Variants in ANO7 observed in about 807,000 individuals in gnomAD.
ANO7 encodes anoctamin 7, also known as anoctamin-7.
A neutral mutation model predicts 115.8 loss-of-function variants in ANO7; 114 were observed. The observed-to-expected ratio is 0.98, with a 90% CI of 0.85 to 1.15. The LOEUF (loss-of-function observed/expected upper bound fraction) is 1.15, where lower values mean the gene tolerates loss of function less well. Ranked by LOEUF, ANO7 falls within the 50% of genes most tolerant of loss-of-function variation. The probability of loss-of-function intolerance (pLI) is 0.00; values close to 1 mark genes in which losing one functional copy is unlikely to be tolerated. For missense variants in ANO7, 1,302 were observed against 1,201.2 expected, an observed-to-expected ratio of 1.08 and a Z score of -1.24; for synonymous variants, 550 against 498.2, an observed-to-expected ratio of 1.10 and a Z score of -1.38.
chr2:241,211,426 G>C (rs1482489551), intron 15 of ANO7, among the ~76,000 whole-genome samples: 1 of 152,210 alleles, frequency 6.6e-6, no homozygotes, highest in African/African-American at 2.4e-5. Context: ...TCTAGCCCTG[G>C]GGGTGAATAG....
chr2:241,205,351 G>A (rs538726538), intron 10 of ANO7, among the ~76,000 whole-genome samples: 1 of 151,044 alleles, frequency 6.6e-6, no homozygotes, highest in South Asian at 2.1e-4. Flanking sequence ...CAGGTGGTCA[G>A]GAGTGCTCCC....
chr2:241,190,708 C>G (rs532774292), intron 2 of ANO7, among the ~76,000 whole-genome samples: 21 of 152,214 alleles, frequency 1.4e-4, no homozygotes, highest in Non-Finnish European at 2.5e-4. Flanking sequence ...CCTGCCGCCC[C>G]AAGCACAGCT....
At chr2:241,218,443 G>A (rs1399121557) in intron 21 of ANO7, 62 bp downstream of exon 21, 16 of 1,243,874 alleles carry the variant, frequency 1.3e-5, no homozygotes, top group Non-Finnish European at 1.6e-5. Flanking sequence ...AGCGGGGCTC[G>A]GGTGGGGTGG....
the ANO7 span, chr2:241,236,256 A>C: frequency 3.3e-6 from 1 of 299,894 alleles, no homozygotes; most frequent in Non-Finnish European, 6.3e-6. Flanking sequence ...AAGGTGAGCT[A>C]GGCCTGATAA....
intron 4 of ANO7, among the ~76,000 whole-genome samples, chr2:241,197,478 C>T (rs1044849261): frequency 2.0e-5 from 3 of 152,084 alleles, no homozygotes; most frequent in Non-Finnish European, 4.4e-5. Flanking sequence ...CTCAATCTCC[C>T]GAGGCTCAAG....
intron 1 of ANO7, among the ~76,000 whole-genome samples, chr2:241,189,350 G>A (rs1041555193): frequency 1.3e-5 from 2 of 152,124 alleles, no homozygotes; most frequent in Non-Finnish European, 2.9e-5. Context: ...GCGCCTCCAT[G>A]GTCACACCCT....
downstream of ANO7, among the ~76,000 whole-genome samples, chr2:241,226,139 C>T (rs935858319): frequency 6.6e-6 from 1 of 151,910 alleles, no homozygotes; most frequent in Non-Finnish European, 1.5e-5. Flanking sequence ...GACCCTCTCC[C>T]ATCCAGGGCC....
At chr2:241,199,977 C>T (rs1164916119) in intron 5 of ANO7, 112 bp from the exon 6 acceptor site, 1 of 1,297,410 alleles carries the variant, frequency 7.7e-7, no homozygotes, top group Non-Finnish European at 1.1e-6. Context: ...CTTCCCTCTG[C>T]TGGAGCCCCT....
Position 241,191,177 on chromosome 2 carries a change from T to A in ANO7, c.109-17T>A, listed in dbSNP as rs776169979. Reference sequence around the variant, plus strand: ...ATGCTGATGCTGATATGCTTCTCCATCCTCCATGCCTTCCAGCCAGGTGGA... The same window carrying A: ...ATGCTGATGCTGATATGCTTCTCCAACCTCCATGCCTTCCAGCCAGGTGGA... On this transcript the variant is annotated splice_polypyrimidine_tract_variant and intron_variant, in intron 2 of 24. Transcript: ENST00000674324. 4 of 1,613,684 alleles carry A rather than the reference T, an allele frequency of 2.5e-6. No individual in the cohort carries two copies. The Admixed American group carries it at 6.7e-5, about 27-fold the overall frequency.
intron 21 of ANO7, among the ~76,000 whole-genome samples, chr2:241,221,017 C>G (rs182852136): frequency 6.6e-6 from 1 of 151,558 alleles, no homozygotes; most frequent in Admixed American, 6.6e-5. Flanking sequence ...TTTACAGATG[C>G]CTGCTGGTGA....
At chr2:241,229,720 G>A (rs745786631), downstream of ANO7, 2 of 1,611,870 alleles carry the variant, frequency 1.2e-6, no homozygotes, top group South Asian at 1.1e-5. Context: ...TTCAGGAGGG[G>A]ATGCTCCCCA....
At chr2:241,210,679 C>G (rs1226850329) in intron 15 of ANO7, 109 bp downstream of exon 15, 8 of 924,716 alleles carry the variant, frequency 8.7e-6, no homozygotes, top group Non-Finnish European at 1.4e-5. Flanking sequence ...ATTTCTATTT[C>G]TTTCTTCTTT....
intron 18 of ANO7, among the ~76,000 whole-genome samples, chr2:241,215,289 G>T (rs888675211): frequency 2.0e-5 from 3 of 152,208 alleles, no homozygotes; most frequent in African/African-American, 4.8e-5. Flanking sequence ...AGGAGGAAAA[G>T]GAGGTCCCAG....
At position 241,203,454 on chromosome 2, in the gene ANO7, G is replaced by A. The variant is rs201506858; in HGVS notation, c.845G>A (p.Arg282His). 49 of 1,574,020 alleles carry A rather than the reference G, an allele frequency of 3.1e-5. No homozygotes were observed. The highest frequency in any genetic ancestry group is 1.5e-4 in the African/African-American group (11 of 72,474). Residue 282 changes from arginine (R) to histidine (H), a missense_variant, in exon 9 of 25, where the codon CGC becomes CAC. Transcript: ENST00000674324. This position sits in a 1 kb window ranked among gnomAD's most constrained non-coding sequence, Gnocchi z 4.8. ...AAGTACCAGCCCCTGGACCACGTGC[G>A]CAGGTACTTCGGGGAGAAGGTGGCC... ...WNKYQPLDHV[R>H]RYFGEKVALY...
intron 19 of ANO7, among the ~76,000 whole-genome samples, chr2:241,217,315 G>A (rs1183628850): frequency 6.6e-6 from 1 of 152,246 alleles, no homozygotes; most frequent in African/African-American, 2.4e-5. Context: ...CGAAGACCCA[G>A]AAGCCCCTTC....
chr2:241,221,716 C>T (rs1399763929), intron 21 of ANO7, among the ~76,000 whole-genome samples: 5 of 151,854 alleles, frequency 3.3e-5, no homozygotes, highest in South Asian at 2.1e-4. Flanking sequence ...TTCCTCTTGT[C>T]GCCAAGGCTG....
At chr2:241,239,594 G>T in the ANO7 span, 3 of 1,612,592 alleles carry the variant, frequency 1.9e-6, no homozygotes, top group Non-Finnish European at 2.5e-6. The surrounding 1 kb of genome is among the most constrained non-coding windows in gnomAD (Gnocchi z 4.6). Flanking sequence ...GAGCACCCAA[G>T]TGCCTACCAG....
intron 21 of ANO7, among the ~76,000 whole-genome samples, chr2:241,222,078 C>T (rs2069034891): frequency 6.6e-6 from 1 of 151,528 alleles, no homozygotes. Context: ...ACTAAAAATA[C>T]AAAAAATTAG....
At chr2:241,233,840 C>T in the ANO7 span, 2 of 1,614,082 alleles carry the variant, frequency 1.2e-6, no homozygotes, top group African/African-American at 1.3e-5. The surrounding 1 kb of genome is among the most constrained non-coding windows in gnomAD (Gnocchi z 4.3). Context: ...TCGTCCTTAT[C>T]AGGAAACTGG....
Sources: gnomAD v4.1 joint callset for allele counts (sites outside exome capture counted in the v4.1 genomes callset) on GRCh38, gnomAD v4.1.1 for gene constraint, Gnocchi (gnomAD v3.1) non-coding constraint, MANE v1.5 for transcripts, NCBI Gene and HGNC (gene_info 2026-07-23, HGNC 2026-07-21) for gene names.